The following TUBD1 variants were observed in gnomAD, a reference collection of about 807,000 sequenced individuals.
TUBD1 encodes the protein tubulin delta chain.
A neutral mutation model predicts 51.2 loss-of-function variants in TUBD1; 38 were observed. The ratio of observed to expected loss-of-function variants is 0.74; its 90% CI spans 0.57 to 0.97. TUBD1 has a LOEUF of 0.97. Ranked by LOEUF, TUBD1 falls within the 50% of genes least tolerant of loss-of-function variation. TUBD1 has a pLI of 0.00. For synonymous variants in TUBD1, 169 were observed against 178.2 expected, an observed-to-expected ratio of 0.95 and a Z score of 0.41; for missense variants, 489 against 538.4, an observed-to-expected ratio of 0.91 and a Z score of 0.91.
chr17:59,861,237 C>T (rs2039428227), intron 8 of TUBD1, among the ~76,000 whole-genome samples: 1 of 149,798 alleles, frequency 6.7e-6, no homozygotes, highest in Non-Finnish European at 1.5e-5. Flanking sequence ...CTGTCTCTGT[C>T]ACCCAGGATG....
chr17:59,891,022 G>A lies in TUBD1; in HGVS notation c.-20C>T, dbSNP rs1480856647. 1.9e-6 allele frequency: 3 copies of A among 1,591,642 alleles called. No individual in the cohort carries two copies. The highest frequency in any genetic ancestry group is 1.4e-5 in the African/African-American group (1 of 73,956). On this transcript the variant is annotated 5_prime_UTR_variant, in exon 2 of 9. Transcript: ENST00000325752. ...TGACATGCTGAGCCACAAACTAGGT[G>A]TATTACCTCTAAAAACAACCTGTAA...
chr17:59,870,031 C>T (rs1184817744), intron 6 of TUBD1, among the ~76,000 whole-genome samples: 1 of 151,948 alleles, frequency 6.6e-6, no homozygotes, highest in Non-Finnish European at 1.5e-5. Flanking sequence ...ATTTTGCCCA[C>T]AATTGAGGTC....
chr17:59,866,931 T>C (rs973866510), intron 6 of TUBD1, among the ~76,000 whole-genome samples, 182 bp from the exon 7 acceptor site: 10 of 152,014 alleles, frequency 6.6e-5, no homozygotes, highest in African/African-American at 2.4e-4. Flanking sequence ...TAGACAGGAT[T>C]AGAGGTGTGT....
In TUBD1 at chr17:59,878,122, G is replaced by A. The variant is rs1373727983; in HGVS notation, c.750C>T (p.His250=). The part of the protein sequence containing the change: ...QPTYSAESSF[H]YRRNPLGDLM... Reference sequence around the variant, plus strand: ...AAATACCTAGTGGATTTCGTCTGTAGTGAAATGAGCTTTCTGCAGAATAAG... The same window carrying A: ...AAATACCTAGTGGATTTCGTCTGTAATGAAATGAGCTTTCTGCAGAATAAG... The change falls in exon 5 of 9, where the codon CAC becomes CAT. Residue 250 remains histidine, a synonymous_variant. Coordinates refer to ENST00000325752, the MANE Select transcript of TUBD1 (RefSeq NM_016261.4). The A allele has an allele frequency of 6.2e-7, 1 of 1,614,030 alleles. No homozygotes were observed. Among genetic ancestry groups the A allele is most frequent in the South Asian group, 1.1e-5 (1 of 91,080 alleles).
intron 6 of TUBD1, among the ~76,000 whole-genome samples, chr17:59,870,292 G>C (rs1464412706): frequency 7.2e-6 from 1 of 139,062 alleles, no homozygotes; most frequent in Non-Finnish European, 1.5e-5. Flanking sequence ...AGGATCACCT[G>C]AACCTGGGAG....
At chr17:59,885,971 G>C in intron 3 of TUBD1, 112 bp downstream of exon 3, 2 of 1,188,754 alleles carry the variant, frequency 1.7e-6, no homozygotes, top group Non-Finnish European at 2.3e-6. Flanking sequence ...ATCTAAAACA[G>C]CAATTTCAAG....
In TUBD1 at chr17:59,886,115, T is replaced by C; in HGVS notation, c.288A>G (p.Gln96=). 2 of 1,614,080 alleles carry C rather than the reference T, an allele frequency of 1.2e-6. No individual in the cohort carries two copies. Among genetic ancestry groups the C allele is most frequent in the South Asian group, 1.1e-5 (1 of 91,060 alleles). The change falls in exon 3 of 9, where the codon CAA becomes CAG. Residue 96 remains glutamine, a synonymous_variant. Transcript: ENST00000325752. ...WKYGQHACFC[Q]KQGSGNNWAY... Reference sequence around the variant, plus strand: ...CCCAGTTGTTTCCAGAACCTTGTTTTTGACAGAAGCATGCATGTTGACCAT... The same window carrying C: ...CCCAGTTGTTTCCAGAACCTTGTTTCTGACAGAAGCATGCATGTTGACCAT...
At chr17:59,869,014 C>G (rs1374771371) in intron 6 of TUBD1, among the ~76,000 whole-genome samples, 1 of 151,512 alleles carries the variant, frequency 6.6e-6, no homozygotes, top group Non-Finnish European at 1.5e-5. Flanking sequence ...GAAACCCCAT[C>G]TCAAAAACAA....
chr17:59,889,683 A>AG (rs923662643), intron 2 of TUBD1, among the ~76,000 whole-genome samples: 3 of 149,988 alleles, frequency 2.0e-5, no homozygotes, highest in Non-Finnish European at 4.4e-5. Context: ...AAAAAAAAAA[A>AG]AAAAGAAAAA....
At chr17:59,890,017 T>C (rs1396015725) in intron 2 of TUBD1, among the ~76,000 whole-genome samples, 2 of 136,280 alleles carry the variant, frequency 1.5e-5, no homozygotes, top group African/African-American at 5.9e-5. Context: ...GAGCCAGGCA[T>C]GGTGGCATGC....
intron 7 of TUBD1, among the ~76,000 whole-genome samples, chr17:59,865,921 G>C (rs931031674): frequency 4.6e-5 from 7 of 151,920 alleles, no homozygotes; most frequent in Admixed American, 6.6e-5. Flanking sequence ...GACCAGCCTG[G>C]CCAACATGGA....
intron 8 of TUBD1, among the ~76,000 whole-genome samples, 169 bp downstream of exon 8, chr17:59,863,495 G>C (rs1334504944): frequency 6.6e-6 from 1 of 151,928 alleles, no homozygotes; most frequent in Non-Finnish European, 1.5e-5. Flanking sequence ...TGTAATCCCA[G>C]CTACTTGGGA....
In TUBD1 at chr17:59,859,733, G is replaced by C. The variant is rs1030810272; in HGVS notation, c.*589C>G. 1 of 152,486 alleles carries C rather than the reference G, an allele frequency of 6.6e-6. No individual in the cohort carries two copies. The highest frequency in any genetic ancestry group is 1.5e-5 in the Non-Finnish European group (1 of 68,024). The allele number at this position is 152,486 out of a possible 1,614,324, so 9.4% of individuals were successfully genotyped here. On this transcript the variant is annotated 3_prime_UTR_variant, in exon 9 of 9. Transcript: ENST00000325752. ...GTTCATGCTTTGTGAGTTGTTTTTG[G>C]AGTTGTTTTGGAGTAAAGATTTAGG...
chr17:59,883,019 A>C (rs9898455), intron 3 of TUBD1, among the ~76,000 whole-genome samples: 21,613 of 151,590 alleles, frequency 0.14, 1,689 homozygotes, highest in Middle Eastern at 0.19. Flanking sequence ...TCCTGACCTC[A>C]AGTAATCCGC....
At position 59,878,236 on chromosome 17, in the gene TUBD1, G is replaced by C. The variant is rs1214101873; in HGVS notation, c.636C>G (p.Ile212Met). The part of the protein sequence containing the change: ...LLHENDAIHK[I>M]CAKLMNIKQI... ...GCTTGATATTCATCAGTTTTGCACA[G>C]ATCTTATGGATGGCATCATTCTCAT... The change falls in exon 5 of 9, where the codon ATC (isoleucine) becomes ATG (methionine). Residue 212 changes from isoleucine (I) to methionine (M), a missense_variant. Physicochemically the swap from Ile to Met is conservative, Grantham distance 10. Transcript: ENST00000325752. 3.7e-6 allele frequency: 6 copies of C among 1,613,988 alleles called. No homozygotes were observed. The highest frequency in any genetic ancestry group is 5.1e-6 in the Non-Finnish European group (6 of 1,180,030).
rs377072339 is a variant in TUBD1, at chr17:59,863,711, T to C, written c.1212A>G (p.Lys404=). ...VLVSNSQFLV[K]PLDMIVGKAW... ...CCTTCCCAACAATCATATCAAGTGG[T>C]TTTACTAAGAACTGGCTGTTGCTGA... is the stretch of plus-strand genomic sequence containing the variant. The change falls in exon 8 of 9, where the codon AAA becomes AAG. Residue 404 remains lysine (K), a synonymous_variant. Transcript: ENST00000325752. 54 of 1,602,982 alleles carry C rather than the reference T, an allele frequency of 3.4e-5. No individual in the cohort carries two copies. In the African/African-American group the frequency reaches 6.1e-4, roughly 18 times the overall value.
At chr17:59,861,485 C>T (rs978324238) in intron 8 of TUBD1, among the ~76,000 whole-genome samples, 1 of 151,932 alleles carries the variant, frequency 6.6e-6, no homozygotes, top group Non-Finnish European at 1.5e-5. Context: ...AAGCGTGAGC[C>T]ACCATGCCTG....
At chr17:59,891,068 G>C (rs760246992) in intron 1 of TUBD1, 27 bp from the exon 2 acceptor site, 1 of 1,213,628 alleles carries the variant, frequency 8.2e-7, no homozygotes, top group African/African-American at 1.5e-5. Flanking sequence ...TACGCTTTGA[G>C]AACCACTACA....
Position 59,861,360 on chromosome 17 carries a change from G to C in TUBD1, c.1260-936C>G, listed in dbSNP as rs186796391. On this transcript the variant is annotated intron_variant, in intron 8 of 8. Transcript: ENST00000325752. ...ATTACAGGTGCGTACCACCACACCT[G>C]GCTAATTTTTGCATTTTTAGTAGAG... 7.9e-5 allele frequency among the ~76,000 whole-genome samples: 12 copies of C among 151,296 alleles called. No individual in the cohort carries two copies. The East Asian group carries it at 2.4e-3, about 30-fold the overall frequency.
Sources: allele counts gnomAD v4.1 joint callset (sites outside exome capture counted in the v4.1 genomes callset), GRCh38; gene constraint gnomAD v4.1.1; transcripts MANE v1.5; gene names NCBI Gene and HGNC (gene_info 2026-07-23, HGNC 2026-07-21).